CACNA2D1: variants seen among roughly 807,000 people sequenced by gnomAD.
The protein encoded by CACNA2D1 is calcium voltage-gated channel auxiliary subunit alpha2delta 1, also known as voltage-dependent calcium channel subunit alpha-2/delta-1.
A neutral mutation model predicts 171.5 loss-of-function variants in CACNA2D1; 53 were observed. The ratio of observed to expected loss-of-function variants is 0.31; its 90% CI spans 0.25 to 0.39. The LOEUF (loss-of-function observed/expected upper bound fraction) is 0.39. Among genes scored for constraint, CACNA2D1 ranks in the 10% least tolerant of loss-of-function variants. CACNA2D1 has a pLI of 1.00. For synonymous variants in CACNA2D1, 442 were observed against 443.1 expected (o/e 1.00, Z 0.03); for missense variants, 903 against 1,299.8 (o/e 0.69, Z 4.69).
chr7:82,252,413 C>T (rs1472949661), intron 3 of CACNA2D1, among the ~76,000 whole-genome samples: 1 of 152,134 alleles, frequency 6.6e-6, no homozygotes, highest in Non-Finnish European at 1.5e-5. Context: ...ACAACTATAC[C>T]ATCCATACTC....
At chr7:82,123,279 C>T (rs1332526342) in intron 5 of CACNA2D1, among the ~76,000 whole-genome samples, 1 of 152,156 alleles carries the variant, frequency 6.6e-6, no homozygotes, top group Non-Finnish European at 1.5e-5. Flanking sequence ...GAGATGCACA[C>T]ATTAATTTTA....
intron 3 of CACNA2D1, among the ~76,000 whole-genome samples, chr7:82,294,619 G>C (rs1429152894): frequency 6.6e-6 from 1 of 152,054 alleles, no homozygotes; most frequent in East Asian, 1.9e-4. Context: ...TATGTCATGA[G>C]TCATGAAATC....
intron 3 of CACNA2D1, among the ~76,000 whole-genome samples, chr7:82,260,968 T>G (rs1807006041): frequency 6.6e-6 from 1 of 151,578 alleles, no homozygotes; most frequent in Non-Finnish European, 1.5e-5. Flanking sequence ...TTTTTTTTTC[T>G]TCTTGAGACT....
intron 3 of CACNA2D1, among the ~76,000 whole-genome samples, chr7:82,295,125 C>A (rs1449185902): frequency 6.6e-6 from 1 of 152,052 alleles, no homozygotes; most frequent in Non-Finnish European, 1.5e-5. Context: ...CTTCATTTTG[C>A]CCATTTCCTC....
chr7:81,983,775 T>C (rs541716722), intron 22 of CACNA2D1, among the ~76,000 whole-genome samples: 2 of 152,294 alleles, frequency 1.3e-5, no homozygotes, highest in African/African-American at 4.8e-5. Flanking sequence ...CTATGTATAA[T>C]GCACAGTGAA....
rs1796191843 is a variant in CACNA2D1, at chr7:81,979,225, A to G, written c.1955+3342T>C. On this transcript the variant is annotated intron_variant, in intron 24 of 38. Transcript: ENST00000356860. ...ATTTAAGGTTACAGATTTTCTCTTT[A>G]TGATGATGAAAATGTTCTAAAATTA... Among the ~76,000 whole-genome samples the G allele has an allele frequency of 3.3e-5, 5 of 152,114 alleles. No homozygotes were observed. In the South Asian group the frequency reaches 8.3e-4, roughly 25 times the overall value.
At position 82,067,272 on chromosome 7, in the gene CACNA2D1, A is replaced by C. The variant is rs1807756936; in HGVS notation, c.659-748T>G. Among the ~76,000 whole-genome samples the C allele has an allele frequency of 2.6e-5, 4 of 152,306 alleles. No individual in the cohort carries two copies. The South Asian group carries it at 8.3e-4, about 32-fold the overall frequency. On this transcript the variant is annotated intron_variant, in intron 7 of 38. Coordinates refer to ENST00000356860, the MANE Select transcript of CACNA2D1 (RefSeq NM_000722.4). ...CACCTTAGACCTAATGAAAAAAATAAATGCTGATGAATTGGATGATAATTT... is the reference window on the plus strand; with the variant it reads ...CACCTTAGACCTAATGAAAAAAATACATGCTGATGAATTGGATGATAATTT...
Position 82,097,379 on chromosome 7 carries a change from T to C in CACNA2D1, c.527-12479A>G, listed in dbSNP as rs373171363. The stretch of plus-strand genomic sequence containing the variant: ...GTGAATAGAGAAGAGAGAAAGCAGG[T>C]ACCATCAGACTGGTGAGGAGTAATA... On this transcript the variant is annotated intron_variant, in intron 6 of 38. Coordinates refer to ENST00000356860, the MANE Select transcript of CACNA2D1 (RefSeq NM_000722.4). Among the ~76,000 whole-genome samples, 131 of 152,270 alleles carry C rather than the reference T, an allele frequency of 8.6e-4. 5 individuals are homozygous for C. In the South Asian group the frequency reaches 0.025, roughly 29 times the overall value.
At chr7:82,052,990 G>A (rs1428423805) in intron 10 of CACNA2D1, among the ~76,000 whole-genome samples, 2 of 151,908 alleles carry the variant, frequency 1.3e-5, no homozygotes, top group African/African-American at 4.8e-5. Flanking sequence ...AAAATTAAAT[G>A]GCCTGTAATC....
At chr7:82,300,316 G>A (rs967429130) in intron 3 of CACNA2D1, among the ~76,000 whole-genome samples, 1 of 151,696 alleles carries the variant, frequency 6.6e-6, no homozygotes, top group Non-Finnish European at 1.5e-5. Flanking sequence ...AGAAAGGAAA[G>A]GACAAACTAG....
At chr7:82,226,537 T>G (rs1380552356) in intron 3 of CACNA2D1, among the ~76,000 whole-genome samples, 2 of 152,104 alleles carry the variant, frequency 1.3e-5, no homozygotes. Flanking sequence ...ACATACTGAC[T>G]CTTCAGAGGG....
chr7:82,139,053 T>G (rs958244147), intron 4 of CACNA2D1, among the ~76,000 whole-genome samples: 7 of 152,172 alleles, frequency 4.6e-5, no homozygotes, highest in Non-Finnish European at 8.8e-5. Flanking sequence ...ATCGTCATTT[T>G]CAACAGATAC....
At chr7:82,219,207 T>C (rs1801490548) in intron 3 of CACNA2D1, among the ~76,000 whole-genome samples, 1 of 152,112 alleles carries the variant, frequency 6.6e-6, no homozygotes, top group Non-Finnish European at 1.5e-5. Context: ...TCTGAATTCA[T>C]GCAGAAAAAA....
intron 3 of CACNA2D1, among the ~76,000 whole-genome samples, chr7:82,243,692 T>G (rs1420364018): frequency 6.6e-6 from 1 of 152,180 alleles, no homozygotes; most frequent in Non-Finnish European, 1.5e-5. Flanking sequence ...AGGGAAGCCA[T>G]GTGGCTTACC....
intron 3 of CACNA2D1, among the ~76,000 whole-genome samples, chr7:82,320,177 G>C (rs921295784): frequency 6.6e-6 from 1 of 151,970 alleles, no homozygotes; most frequent in Non-Finnish European, 1.5e-5. Flanking sequence ...GCAGAGAAAA[G>C]TATGAGTTTT....
At chr7:82,000,315 A>G (rs1467157262) in intron 18 of CACNA2D1, among the ~76,000 whole-genome samples, 1 of 152,134 alleles carries the variant, frequency 6.6e-6, no homozygotes, top group Non-Finnish European at 1.5e-5. Flanking sequence ...GCCTGGTCCC[A>G]TCACTGCCAA....
intron 4 of CACNA2D1, among the ~76,000 whole-genome samples, chr7:82,146,352 A>C (rs58081339): frequency 0.21 from 20,371 of 96,444 alleles, 1,808 homozygotes; most frequent in Middle Eastern, 0.39. Flanking sequence ...AGAAGAAATG[A>C]TATATATATA....
intron 3 of CACNA2D1, among the ~76,000 whole-genome samples, chr7:82,178,417 A>G (rs867974552): frequency 7.9e-5 from 12 of 152,168 alleles, no homozygotes; most frequent in African/African-American, 2.4e-4. Context: ...TTGGGTCTAC[A>G]GCGCAAAATA....
intron 3 of CACNA2D1, among the ~76,000 whole-genome samples, chr7:82,313,734 T>C (rs935841572): frequency 3.9e-5 from 6 of 152,214 alleles, no homozygotes; most frequent in African/African-American, 1.4e-4. Context: ...AATGTACCTT[T>C]TGTCGGTTTT....
Sources: allele counts gnomAD v4.1 joint callset (sites outside exome capture counted in the v4.1 genomes callset), GRCh38; gene constraint gnomAD v4.1.1; transcripts MANE v1.5; gene names NCBI Gene and HGNC (gene_info 2026-07-23, HGNC 2026-07-21).